The following VPS35L variants were observed in gnomAD, a reference collection of about 807,000 sequenced individuals.
The protein encoded by VPS35L is VPS35 endosomal protein sorting factor like.
A neutral mutation model predicts 133.0 loss-of-function variants in VPS35L; 83 were observed. The ratio of observed to expected loss-of-function variants is 0.62; its 90% CI spans 0.52 to 0.75. The LOEUF (loss-of-function observed/expected upper bound fraction) is 0.75, where lower values mean the gene tolerates loss of function less well. VPS35L is among the 30% of genes least tolerant of loss of function. The probability of loss-of-function intolerance (pLI) is 0.00; values close to 1 mark genes in which losing one functional copy is unlikely to be tolerated. For missense variants in VPS35L, 1,083 were observed against 1,206.8 expected (o/e 0.90, Z 1.52); for synonymous variants, 423 against 449.9 (o/e 0.94, Z 0.76).
At chr16:19,635,806 A>G (rs1196300623) in intron 19 of VPS35L, among the ~76,000 whole-genome samples, 1 of 152,238 alleles carries the variant, frequency 6.6e-6, no homozygotes, top group Non-Finnish European at 1.5e-5. Context: ...AAAATATTAA[A>G]AATTGATGGA....
At chr16:19,568,484 C>T (rs150470641) in intron 2 of VPS35L, among the ~76,000 whole-genome samples, 16 of 152,116 alleles carry the variant, frequency 1.1e-4, no homozygotes, top group Admixed American at 2.0e-4. Flanking sequence ...CTCACCTTCC[C>T]GAAGGATGGG....
At chr16:19,675,088 G>A (rs1597422766) in intron 27 of VPS35L, among the ~76,000 whole-genome samples, 1 of 151,798 alleles carries the variant, frequency 6.6e-6, no homozygotes, top group South Asian at 2.1e-4. Context: ...GAATAGTTGG[G>A]ACCACATGGG....
At position 19,569,596 on chromosome 16, in the gene VPS35L, T is replaced by C; in HGVS notation, c.285+5T>C. ...GCAGCCTTGGCAGCTGCCATGGTAA[T>C]GCACCCCAGCCATGGTCGTCCAGTG... On this transcript the variant is annotated splice_donor_5th_base_variant and intron_variant, in intron 3 of 30. Coordinates refer to ENST00000417362, the MANE Select transcript of VPS35L (RefSeq NM_020314.7). The C allele has an allele frequency of 1.3e-6, 2 of 1,535,146 alleles. No individual in the cohort carries two copies. The highest frequency in any genetic ancestry group is 1.8e-6 in the Non-Finnish European group (2 of 1,142,340).
intron 23 of VPS35L, among the ~76,000 whole-genome samples, chr16:19,645,683 C>T (rs552395265): frequency 2.1e-4 from 32 of 152,324 alleles, no homozygotes; most frequent in African/African-American, 7.7e-4. Flanking sequence ...CCCCCCAGCT[C>T]TGCAGCCCAG....
At chr16:19,606,458 C>G (rs1303808267) in intron 9 of VPS35L, among the ~76,000 whole-genome samples, 1 of 152,138 alleles carries the variant, frequency 6.6e-6, no homozygotes, top group African/African-American at 2.4e-5. Flanking sequence ...ATGGTCATTT[C>G]CCATCCTTTT....
intron 7 of VPS35L, among the ~76,000 whole-genome samples, chr16:19,589,661 C>T (rs1332281546): frequency 1.3e-5 from 2 of 152,206 alleles, no homozygotes; most frequent in Admixed American, 6.5e-5. Context: ...TAAAAAGTAA[C>T]TTCAATTTAT....
intron 26 of VPS35L, among the ~76,000 whole-genome samples, chr16:19,660,502 C>T (rs1028931284): frequency 1.3e-5 from 2 of 152,024 alleles, no homozygotes; most frequent in African/African-American, 2.4e-5. Flanking sequence ...TGTTCAGCCT[C>T]AGGAGTTTAT....
chr16:19,648,536 T>A (rs1027780281), intron 24 of VPS35L, among the ~76,000 whole-genome samples: 27 of 152,224 alleles, frequency 1.8e-4, no homozygotes, highest in South Asian at 1.2e-3. Flanking sequence ...TATGGTGCCC[T>A]CAGACCAAAA....
At chr16:19,687,584 A>C (rs1975506781) in intron 28 of VPS35L, among the ~76,000 whole-genome samples, 1 of 152,208 alleles carries the variant, frequency 6.6e-6, no homozygotes, top group Non-Finnish European at 1.5e-5. Flanking sequence ...GTATCCCAGC[A>C]GAGTCCCCAT....
In VPS35L at chr16:19,591,552, CAA is replaced by C. The variant is rs35875567; in HGVS notation, c.640-227_640-226del. On this transcript the variant is annotated intron_variant, in intron 7 of 30. Coordinates refer to ENST00000417362, the MANE Select transcript of VPS35L (RefSeq NM_020314.7). Reference sequence around the variant, plus strand: ...GCAACATAGCGAGACCCCATCTCTACAAAAAAAAAAAAGGAAGGGAAAACAAA... The same window carrying C: ...GCAACATAGCGAGACCCCATCTCTACAAAAAAAAAAGGAAGGGAAAACAAA... Among the ~76,000 whole-genome samples the C allele has an allele frequency of 1.2e-4, 15 of 124,548 alleles. No individual in the cohort carries two copies. The South Asian group carries it at 1.6e-3, about 13-fold the overall frequency. 81.7% of individuals were successfully genotyped at this position (124,548 alleles called of 152,430 possible).
chr16:19,631,315 A>C (rs1973449363), intron 18 of VPS35L, among the ~76,000 whole-genome samples: 1 of 152,176 alleles, frequency 6.6e-6, no homozygotes, highest in Non-Finnish European at 1.5e-5. Flanking sequence ...TATAATCACC[A>C]TCCAGAGTAA....
At chr16:19,683,507 G>T (rs996885188) in intron 28 of VPS35L, among the ~76,000 whole-genome samples, 7 of 152,046 alleles carry the variant, frequency 4.6e-5, no homozygotes, top group African/African-American at 1.7e-4. Context: ...ATGCCCATGG[G>T]TACCCAATGC....
intron 7 of VPS35L, among the ~76,000 whole-genome samples, chr16:19,584,033 CAG>C (rs1242706510): frequency 6.6e-6 from 1 of 152,074 alleles, no homozygotes; most frequent in Non-Finnish European, 1.5e-5. Flanking sequence ...CTGTGAATTA[CAG>C]AGTTTCATTT....
At chr16:19,681,626 A>G (rs1975282568) in intron 27 of VPS35L, among the ~76,000 whole-genome samples, 1 of 152,182 alleles carries the variant, frequency 6.6e-6, no homozygotes, top group Non-Finnish European at 1.5e-5. Flanking sequence ...CTTTTTATAG[A>G]TTCAGTTTAG....
At chr16:19,644,508 G>C (rs1418703155) in intron 22 of VPS35L, among the ~76,000 whole-genome samples, 2 of 152,084 alleles carry the variant, frequency 1.3e-5, no homozygotes, top group African/African-American at 2.4e-5. Context: ...TAAGTGCTGG[G>C]ATTACAGGTG....
Position 19,642,445 on chromosome 16 carries a change from C to T in VPS35L, c.1834C>T (p.His612Tyr). ...CCCGGTCATCTTGAATGCCCTTTTG[C>T]ATGTTTGCAAGACCATGCATGACTC... ...KDPVILNALL[H>Y]VCKTMHDSVN... is the part of the protein sequence containing the mutation. The change falls in exon 22 of 31, where the codon CAT becomes TAT. Residue 612 changes from histidine (H) to tyrosine (Y), a missense_variant. By Grantham distance (83) the His-to-Tyr change is moderately conservative. Coordinates refer to ENST00000417362, the MANE Select transcript of VPS35L (RefSeq NM_020314.7). The T allele has an allele frequency of 1.2e-6, 2 of 1,613,916 alleles. No individual in the cohort carries two copies. The highest frequency in any genetic ancestry group is 1.7e-6 in the Non-Finnish European group (2 of 1,179,860).
intron 12 of VPS35L, among the ~76,000 whole-genome samples, chr16:19,613,589 C>T (rs1972794542): frequency 2.6e-5 from 4 of 152,158 alleles, no homozygotes; most frequent in Admixed American, 2.6e-4. Flanking sequence ...CATCCTACCA[C>T]CTTAGGAACC....
In VPS35L at chr16:19,669,637, G is replaced by A. The variant is rs62024103; in HGVS notation, c.2361+338G>A. 6.1e-3 allele frequency among the ~76,000 whole-genome samples: 922 copies of A among 151,170 alleles called. 8 individuals are homozygous for A. The highest frequency in any genetic ancestry group is 0.041 in the Middle Eastern group (12 of 292). ...AGTTCTAGTGAGGACCCACTTCCAG[G>A]TTGCAGACAACCATCTTCTCTCTCT... is the stretch of plus-strand genomic sequence containing the variant. On this transcript the variant is annotated intron_variant, in intron 27 of 30. Transcript: ENST00000417362.
chr16:19,577,287 T>C (rs942146479), intron 5 of VPS35L, among the ~76,000 whole-genome samples: 1 of 152,142 alleles, frequency 6.6e-6, no homozygotes, highest in African/African-American at 2.4e-5. Flanking sequence ...AGAGATTGCA[T>C]GGCAAGAGAA....
Sources: allele counts gnomAD v4.1 joint callset (sites outside exome capture counted in the v4.1 genomes callset), GRCh38; gene constraint gnomAD v4.1.1; transcripts MANE v1.5; gene names NCBI Gene and HGNC (gene_info 2026-07-23, HGNC 2026-07-21).